ENPP2: variants seen among roughly 807,000 people sequenced by gnomAD.
ENPP2 encodes the protein ectonucleotide pyrophosphatase/phosphodiesterase 2, also known as autotaxin.
ENPP2 carries 51 observed loss-of-function variants against 120.2 expected under a neutral mutation model. The ratio of observed to expected loss-of-function variants is 0.42; its 90% CI spans 0.34 to 0.54. The LOEUF is 0.54. Among genes scored for constraint, ENPP2 ranks in the 20% least tolerant of loss-of-function variants. The probability of loss-of-function intolerance (pLI) is 0.04; values close to 1 mark genes in which losing one functional copy is unlikely to be tolerated. For missense variants in ENPP2, 920 were observed against 1,066.5 expected, an observed-to-expected ratio of 0.86 and a Z score of 1.91; for synonymous variants, 365 against 366.4, an observed-to-expected ratio of 1.00 and a Z score of 0.04.
chr8:119,658,134 A>G (rs1247363098), intron 1 of ENPP2, among the ~76,000 whole-genome samples: 1 of 152,228 alleles, frequency 6.6e-6, no homozygotes, highest in Non-Finnish European at 1.5e-5. Flanking sequence ...AATATTGATT[A>G]TGTGTTTACT....
intron 19 of ENPP2, among the ~76,000 whole-genome samples, chr8:119,575,464 T>C (rs1451978823): frequency 6.6e-6 from 1 of 152,118 alleles, no homozygotes; most frequent in Non-Finnish European, 1.5e-5. Flanking sequence ...GATATACAAA[T>C]TTTTTGTTGA....
chr8:119,640,372 A>T (rs578091351), upstream of ENPP2, among the ~76,000 whole-genome samples: 1 of 152,370 alleles, frequency 6.6e-6, no homozygotes, highest in East Asian at 1.9e-4. Context: ...TTAAATTTCA[A>T]GATACAAGCC....
chr8:119,645,641 G>A (rs1817422387), intron 1 of ENPP2, among the ~76,000 whole-genome samples: 1 of 151,932 alleles, frequency 6.6e-6, no homozygotes, highest in Non-Finnish European at 1.5e-5. Flanking sequence ...GACCAACATG[G>A]AGAAACCCCA....
chr8:119,597,300 C>T (rs1813964950), intron 11 of ENPP2, among the ~76,000 whole-genome samples: 1 of 152,192 alleles, frequency 6.6e-6, no homozygotes, highest in Admixed American at 6.5e-5. Context: ...TGAATACATT[C>T]TGCTAGCGCT....
chr8:119,586,272 C>T lies in ENPP2; in HGVS notation c.1281G>A (p.Gln427=), dbSNP rs1208632359. ...CATAGTGCAAACGTTTGGGAAGGTG[C>T]TGTTTCAAGTAAGGCTTAAAGTGCT... ...PDQHFKPYLK[Q]HLPKRLHYAN... Residue 427 remains glutamine, a synonymous_variant, in exon 15 of 25, where the codon CAG becomes CAA. Transcript: ENST00000075322. 1.2e-6 allele frequency: 2 copies of T among 1,613,800 alleles called. No individual in the cohort carries two copies. Among genetic ancestry groups the T allele is most frequent in the Non-Finnish European group, 1.7e-6 (2 of 1,179,744 alleles).
At chr8:119,654,459 C>G (rs1463734733) in intron 1 of ENPP2, among the ~76,000 whole-genome samples, 3 of 144,386 alleles carry the variant, frequency 2.1e-5, no homozygotes, top group Non-Finnish European at 4.5e-5. Context: ...TATTTATAAA[C>G]TTAATATAAA....
At chr8:119,637,963 T>G (rs1240607045) in intron 2 of ENPP2, among the ~76,000 whole-genome samples, 1 of 152,236 alleles carries the variant, frequency 6.6e-6, no homozygotes. Flanking sequence ...TAAGTAAATC[T>G]TAAAGTCCTA....
chr8:119,613,595 A>T (rs1439034331), intron 8 of ENPP2, among the ~76,000 whole-genome samples: 1 of 152,164 alleles, frequency 6.6e-6, no homozygotes, highest in African/African-American at 2.4e-5. Flanking sequence ...GACTTTTATA[A>T]ATATTTTTTC....
chr8:119,573,628 A>T (rs1812125238), intron 19 of ENPP2, among the ~76,000 whole-genome samples: 1 of 152,004 alleles, frequency 6.6e-6, no homozygotes, highest in Non-Finnish European at 1.5e-5. Context: ...CCTGGCCAAC[A>T]TGGTGAAACC....
At chr8:119,562,824 G>A in intron 24 of ENPP2, 33 bp downstream of exon 24, 1 of 1,600,044 alleles carries the variant, frequency 6.2e-7, no homozygotes, top group East Asian at 2.2e-5. Context: ...AACTATGGAA[G>A]CAAATCCTAA....
At chr8:119,561,475 C>A (rs1169241315) in intron 24 of ENPP2, among the ~76,000 whole-genome samples, 1 of 152,184 alleles carries the variant, frequency 6.6e-6, no homozygotes, top group African/African-American at 2.4e-5. Context: ...TCATGTGAAA[C>A]AAAAGCATAG....
intron 24 of ENPP2, among the ~76,000 whole-genome samples, chr8:119,561,815 T>TGTGTGTTTG (rs1563663474): frequency 8.2e-6 from 1 of 121,652 alleles, no homozygotes; most frequent in South Asian, 2.7e-4. Context: ...GTGTGTGTGT[T>TGTGTGTTTG]TGTGTGTGTG....
At chr8:119,621,263 T>C (rs1815873642) in intron 4 of ENPP2, 131 bp downstream of exon 4, 1 of 743,514 alleles carries the variant, frequency 1.3e-6, no homozygotes, top group African/African-American at 1.8e-5. Flanking sequence ...GCATGAGAAA[T>C]TAAAAAGGAC....
chr8:119,666,640 C>T (rs529555686), intron 1 of ENPP2, among the ~76,000 whole-genome samples: 10 of 152,000 alleles, frequency 6.6e-5, no homozygotes, highest in South Asian at 4.2e-4. Context: ...ATTAGCCAGG[C>T]GTGGTGGCAC....
intron 1 of ENPP2, among the ~76,000 whole-genome samples, chr8:119,646,448 G>A (rs139316130): frequency 1.4e-3 from 211 of 152,214 alleles, no homozygotes; most frequent in African/African-American, 4.8e-3. Context: ...ATCTGTTTTC[G>A]CAACTCCACC....
Position 119,593,819 on chromosome 8 carries a change from T to C in ENPP2, c.1014A>G (p.Gln338=). 2 of 1,613,384 alleles carry C rather than the reference T, an allele frequency of 1.2e-6. No homozygotes were observed. Among genetic ancestry groups the C allele is most frequent in the South Asian group, 1.1e-5 (1 of 91,066 alleles). Residue 338 remains glutamine, a synonymous_variant, in exon 12 of 25, where the codon CAA becomes CAG. Transcript: ENST00000075322. The part of the protein sequence containing the change: ...PLREIDKIVG[Q]LMDGLKQLKL... ...TTAGTTGTTTCAGTCCATCCATTAATTGCCCCACAATTTTGTCGATTTCCC... is the reference window on the plus strand; with the variant it reads ...TTAGTTGTTTCAGTCCATCCATTAACTGCCCCACAATTTTGTCGATTTCCC...
chr8:119,673,306 G>A, exon 1 of ENPP2: 2 of 1,534,970 alleles, frequency 1.3e-6, no homozygotes, highest in Non-Finnish European at 1.7e-6. Flanking sequence ...TCCTGCCCGG[G>A]CGCTGCGGAC....
intron 23 of ENPP2, among the ~76,000 whole-genome samples, chr8:119,564,092 T>C (rs1814197200): frequency 6.6e-6 from 1 of 151,894 alleles, no homozygotes; most frequent in Non-Finnish European, 1.5e-5. Flanking sequence ...AGATAATGGC[T>C]TTTATATGCC....
chr8:119,575,404 A>T (rs1400690795), intron 19 of ENPP2, among the ~76,000 whole-genome samples: 1 of 152,110 alleles, frequency 6.6e-6, no homozygotes, highest in Admixed American at 6.6e-5. Flanking sequence ...TAATGAGGAC[A>T]GTAGTTTCTG....
Sources: gnomAD v4.1 joint callset for allele counts (sites outside exome capture counted in the v4.1 genomes callset) on GRCh38, gnomAD v4.1.1 for gene constraint, MANE v1.5 for transcripts, NCBI Gene and HGNC (gene_info 2026-07-23, HGNC 2026-07-21) for gene names.